RGL2: variants seen among roughly 807,000 people sequenced by gnomAD.
RGL2 encodes ral guanine nucleotide dissociation stimulator like 2, also known as ral guanine nucleotide dissociation stimulator-like 2.
Under a neutral mutation model 84.6 loss-of-function variants are expected in RGL2, and 40 were observed. That is an observed-to-expected ratio of 0.47 (90% confidence interval 0.37 to 0.62). RGL2 has a LOEUF of 0.62. RGL2 is among the 20% of genes least tolerant of loss of function. RGL2 has a pLI of 0.00. For missense variants in RGL2, 865 were observed against 1,019.7 expected (o/e 0.85, Z 2.07); for synonymous variants, 369 against 417.3 (o/e 0.88, Z 1.41).
upstream of RGL2, chr6:33,300,789 C>A (rs1768508965): frequency 6.6e-6 from 1 of 152,076 alleles, no homozygotes; most frequent in Non-Finnish European, 1.5e-5. Flanking sequence ...CACGGTGAAA[C>A]CCCGTCTCTA....
In RGL2 at chr6:33,297,421, C is replaced by A; in HGVS notation, c.157-306G>T. The A allele has an allele frequency of 2.7e-6, 1 of 371,600 alleles. No individual in the cohort carries two copies. Among genetic ancestry groups the A allele is most frequent in the Non-Finnish European group, 4.9e-6 (1 of 204,868 alleles). 23.0% of individuals were successfully genotyped at this position (371,600 alleles called of 1,614,324 possible). On this transcript the variant is annotated intron_variant, in intron 2 of 17. Coordinates refer to ENST00000497454, the MANE Select transcript of RGL2 (RefSeq NM_004761.5). This position sits in a 1 kb window ranked among gnomAD's most constrained non-coding sequence, Gnocchi z 4.0. ...AAGCCCCTTCTCCCCAGAGCTGAAC[C>A]CACACACGACAGAGAAGCAGGGTAC... is the stretch of plus-strand genomic sequence containing the variant.
At position 33,294,043 on chromosome 6, in the gene RGL2, C is replaced by T. The variant is rs762172464; in HGVS notation, c.1377G>A (p.Lys459=). The T allele has an allele frequency of 1.9e-6, 3 of 1,613,438 alleles. No individual in the cohort carries two copies. The highest frequency in any genetic ancestry group is 2.5e-6 in the Non-Finnish European group (3 of 1,179,626). Residue 459 remains lysine (K), a synonymous_variant, in exon 12 of 18, where the codon AAG becomes AAA. Coordinates refer to ENST00000497454, the MANE Select transcript of RGL2 (RefSeq NM_004761.5). This position sits in a 1 kb window ranked among gnomAD's most constrained non-coding sequence, Gnocchi z 5.0. Reference sequence around the variant, plus strand: ...CAGACACTCCGCTCACCTTCCTCCGCTTGTCAAAATTGATGTATCCATTCT... The same window carrying T: ...CAGACACTCCGCTCACCTTCCTCCGTTTGTCAAAATTGATGTATCCATTCT... ...ELENGYINFD[K]RRKEFAVLSE... is the part of the protein sequence containing the mutation.
At chr6:33,301,402 C>T (rs535452715), upstream of RGL2, 24 of 238,404 alleles carry the variant, frequency 1.0e-4, no homozygotes, top group African/African-American at 4.3e-4. Context: ...GGTGAAACCC[C>T]GTCTCTACTA....
In RGL2 at chr6:33,293,388, G is replaced by C; in HGVS notation, c.1716+25C>G. The C allele has an allele frequency of 6.2e-7, 1 of 1,606,790 alleles. No homozygotes were observed. ...TTTACAGAGTGAGGGTCAGCGTCAAGGTCAGAGTCAGGAGCAGAGCTCACC... is the reference window on the plus strand; with the variant it reads ...TTTACAGAGTGAGGGTCAGCGTCAACGTCAGAGTCAGGAGCAGAGCTCACC... On this transcript the variant is annotated intron_variant, in intron 15 of 17. Coordinates refer to ENST00000497454, the MANE Select transcript of RGL2 (RefSeq NM_004761.5). The surrounding 1 kb of genome is among the most constrained non-coding windows in gnomAD (Gnocchi z 7.0).
rs1768094192 is a variant in RGL2, at chr6:33,297,467, G to GAGAGGCAGCAAGCC, written c.157-366_157-353dup. On this transcript the variant is annotated intron_variant, in intron 2 of 17. Coordinates refer to ENST00000497454, the MANE Select transcript of RGL2 (RefSeq NM_004761.5). The surrounding 1 kb of genome is among the most constrained non-coding windows in gnomAD (Gnocchi z 4.0). ...GGTACAAAGGGCAGGAGAGGGAAGC[G>GAGAGGCAGCAAGCC]AGAGGCAGCAAGCCAGAGGCAGCGA... The GAGAGGCAGCAAGCC allele has an allele frequency of 7.2e-6, 2 of 278,278 alleles. No homozygotes were observed. Among genetic ancestry groups the GAGAGGCAGCAAGCC allele is most frequent in the Non-Finnish European group, 1.4e-5 (2 of 147,230 alleles). 17.2% of individuals were successfully genotyped at this position (278,278 alleles called of 1,614,324 possible).
Position 33,296,155 on chromosome 6 carries a change from C to A in RGL2, c.641G>T (p.Arg214Leu). 6.2e-7 allele frequency: 1 copy of A among 1,613,878 alleles called. No homozygotes were observed. Residue 214 changes from arginine (R) to leucine (L), a missense_variant, in exon 6 of 18, where the codon CGG (arginine) becomes CTG (leucine). Arg to Leu is a moderately radical substitution (Grantham distance 102). Coordinates refer to ENST00000497454, the MANE Select transcript of RGL2 (RefSeq NM_004761.5). This position sits in a 1 kb window ranked among gnomAD's most constrained non-coding sequence, Gnocchi z 5.0. ...AAGGTCGGGGGCCTGGGGGTCCACC[C>A]GGGACCGGAGATTGCGGATGAGGTC... ...SADLIRNLRS[R>L]VDPQAPDLPK...
At chr6:33,299,593 TGTC>T (rs1768384569), upstream of RGL2, 1 of 151,952 alleles carries the variant, frequency 6.6e-6, no homozygotes, top group Non-Finnish European at 1.5e-5. This position sits in a 1 kb window ranked among gnomAD's most constrained non-coding sequence, Gnocchi z 5.0. Context: ...CCCCGAACGG[TGTC>T]GACGGGGCGT....
chr6:33,295,674 G>A lies in RGL2; in HGVS notation c.854C>T (p.Pro285Leu). The A allele has an allele frequency of 4.3e-6, 7 of 1,613,864 alleles. No homozygotes were observed. Among genetic ancestry groups the A allele is most frequent in the Non-Finnish European group, 5.9e-6 (7 of 1,180,034 alleles). The change falls in exon 7 of 18, where the codon CCA becomes CTA. Residue 285 changes from proline (P) to leucine (L), a missense_variant. By Grantham distance (98) the Pro-to-Leu change is moderately conservative. This residue lies in a region of RGL2 where 455 missense variants were observed against 507.8 expected (regional missense o/e 0.90). Transcript: ENST00000497454. This position sits in a 1 kb window ranked among gnomAD's most constrained non-coding sequence, Gnocchi z 7.2. ...CTGTGTGACAGTAGCTCGGACAGAT[G>A]GGCAGAGGTGAGAATGTCCTGGCCG... The part of the protein sequence containing the change: ...RDRPGHSHLC[P>L]SVRATVTQFN...
Position 33,295,572 on chromosome 6 carries a change from G to A in RGL2, c.956C>T (p.Thr319Ile), listed in dbSNP as rs1767867896. 1.9e-6 allele frequency: 3 copies of A among 1,613,932 alleles called. No individual in the cohort carries two copies. The highest frequency in any genetic ancestry group is 2.5e-6 in the Non-Finnish European group (3 of 1,180,030). ...TSTGEGPGEV[T>I]IRPLRPPQRA... is the part of the protein sequence containing the mutation. ...CTGTGGGGGACGGAGTGGCCGTATGGTCACCTCCCCAGGTCCCTCTCCAGT... is the reference window on the plus strand; with the variant it reads ...CTGTGGGGGACGGAGTGGCCGTATGATCACCTCCCCAGGTCCCTCTCCAGT... Residue 319 changes from threonine (T) to isoleucine (I), a missense_variant, in exon 7 of 18, where the codon ACC (threonine) becomes ATC (isoleucine). This residue lies in a region of RGL2 where 455 missense variants were observed against 507.8 expected (regional missense o/e 0.90). Coordinates refer to ENST00000497454, the MANE Select transcript of RGL2 (RefSeq NM_004761.5). The surrounding 1 kb of genome is among the most constrained non-coding windows in gnomAD (Gnocchi z 7.2).
At position 33,293,750 on chromosome 6, in the gene RGL2, A is replaced by C. The variant is rs1446989253; in HGVS notation, c.1508+45T>G. 6.2e-7 allele frequency: 1 copy of C among 1,612,980 alleles called. No homozygotes were observed. Among genetic ancestry groups the C allele is most frequent in the Non-Finnish European group, 8.5e-7 (1 of 1,179,362 alleles). On this transcript the variant is annotated intron_variant, in intron 13 of 17. Coordinates refer to ENST00000497454, the MANE Select transcript of RGL2 (RefSeq NM_004761.5). The surrounding 1 kb of genome is among the most constrained non-coding windows in gnomAD (Gnocchi z 7.0). The stretch of plus-strand genomic sequence containing the variant: ...GCTCAGGACATGACACCAATCCCCC[A>C]CACCTGGCCAGAACCCTGGAGTCCC...
rs1019221287 is a variant in RGL2 at position 33,291,788 on chromosome 6, G to A, written c.*314C>T. 7.4e-6 allele frequency: 4 copies of A among 537,030 alleles called. No individual in the cohort carries two copies. The highest frequency in any genetic ancestry group is 3.6e-5 in the Admixed American group (1 of 28,072). 33.3% of individuals were successfully genotyped at this position (537,030 alleles called of 1,614,324 possible). A position where few individuals can be genotyped will look rare whatever the true frequency, so the allele number is the denominator to read the frequency against. On this transcript the variant is annotated 3_prime_UTR_variant, in exon 18 of 18. Coordinates refer to ENST00000497454, the MANE Select transcript of RGL2 (RefSeq NM_004761.5). ...CTGCCCTGGGGCTCAGAGCCTTGAA[G>A]CCTTTGCTTGGCCCTTGCATGTTAG...
In RGL2 at chr6:33,295,431, G is replaced by A. The variant is rs747617488; in HGVS notation, c.1021-9C>T. ...CGGAGCAGCCGGCACTCCTGTGGGG[G>A]TCAAAGAAGAGAGCTAAGGCTATGG... On this transcript the variant is annotated splice_polypyrimidine_tract_variant and intron_variant, in intron 7 of 17. Transcript: ENST00000497454. This position sits in a 1 kb window ranked among gnomAD's most constrained non-coding sequence, Gnocchi z 7.2. The A allele has an allele frequency of 1.2e-6, 2 of 1,612,970 alleles. No individual in the cohort carries two copies. The highest frequency in any genetic ancestry group is 1.7e-5 in the Admixed American group (1 of 60,008).
In RGL2 at chr6:33,298,565, CG is replaced by C; in HGVS notation, c.45del (p.Gly17GlufsTer4). On this transcript the variant is annotated frameshift_variant, in exon 2 of 18. Transcript: ENST00000497454. LOFTEE classifies it high-confidence loss of function. This position sits in a 1 kb window ranked among gnomAD's most constrained non-coding sequence, Gnocchi z 4.8. Reference sequence around the variant, plus strand: ...CGGAAGCTGCTCAGTACGACTCCCCCGGGGGGGCTCGTGTCCAAAAGCAGCC... The same window carrying C: ...CGGAAGCTGCTCAGTACGACTCCCCCGGGGGGCTCGTGTCCAAAAGCAGCC... ...PLRLLLDTSP[P>X]GGVVLSSFRS... 9 of 1,468,494 alleles carry C rather than the reference CG, an allele frequency of 6.1e-6. No homozygotes were observed. Among genetic ancestry groups the C allele is most frequent in the Admixed American group, 2.8e-5 (1 of 35,474 alleles). 91.0% of individuals were successfully genotyped at this position (1,468,494 alleles called of 1,614,324 possible).
upstream of RGL2, chr6:33,299,455 C>T (rs915357642): frequency 6.6e-6 from 1 of 152,150 alleles, no homozygotes; most frequent in Admixed American, 6.5e-5. This position sits in a 1 kb window ranked among gnomAD's most constrained non-coding sequence, Gnocchi z 5.0. Context: ...GAAGCAGCCA[C>T]ATCCGGTTCC....
chr6:33,292,328 G>T lies in RGL2; in HGVS notation c.2123-15C>A, dbSNP rs749125691. On this transcript the variant is annotated splice_polypyrimidine_tract_variant and intron_variant, in intron 17 of 17. Transcript: ENST00000497454. ...GATAGTCAGCTCTGAAGGTTCAGGG[G>T]ATGGATGTAAAGCACACACACAGTT... is the stretch of plus-strand genomic sequence containing the variant. 3 of 1,612,204 alleles carry T rather than the reference G, an allele frequency of 1.9e-6. No individual in the cohort carries two copies. In the East Asian group the frequency reaches 6.7e-5, roughly 36 times the overall value.
rs1306532746 is a variant in RGL2, at chr6:33,295,220, G to A, written c.1125-9C>T. On this transcript the variant is annotated splice_polypyrimidine_tract_variant and intron_variant, in intron 8 of 17. Coordinates refer to ENST00000497454, the MANE Select transcript of RGL2 (RefSeq NM_004761.5). The surrounding 1 kb of genome is among the most constrained non-coding windows in gnomAD (Gnocchi z 7.2). ...AGACTCTGAGGCTGTCCCTGGGGAAGGGAGAAAAGTGGCCCTGAGGACAGG... is the reference window on the plus strand; with the variant it reads ...AGACTCTGAGGCTGTCCCTGGGGAAAGGAGAAAAGTGGCCCTGAGGACAGG... 1.3e-6 allele frequency: 2 copies of A among 1,596,088 alleles called. No homozygotes were observed. Among genetic ancestry groups the A allele is most frequent in the Non-Finnish European group, 1.7e-6 (2 of 1,170,570 alleles).
chr6:33,295,883 C>A lies in RGL2; in HGVS notation c.769-124G>T. 6.9e-7 allele frequency: 1 copy of A among 1,446,148 alleles called. No homozygotes were observed. Among genetic ancestry groups the A allele is most frequent in the Non-Finnish European group, 9.5e-7 (1 of 1,051,980 alleles). 89.6% of individuals were successfully genotyped at this position (1,446,148 alleles called of 1,614,324 possible). ...GGCACAGGGTTTGAAGGGTAACGACCAAAGGGAAAAGGGGAGAATCAAAAT... is the reference window on the plus strand; with the variant it reads ...GGCACAGGGTTTGAAGGGTAACGACAAAAGGGAAAAGGGGAGAATCAAAAT... On this transcript the variant is annotated intron_variant, in intron 6 of 17. Transcript: ENST00000497454. This position sits in a 1 kb window ranked among gnomAD's most constrained non-coding sequence, Gnocchi z 7.2.
In RGL2 at chr6:33,294,007, A is replaced by G. The variant is rs2150932297; in HGVS notation, c.1386+27T>C. On this transcript the variant is annotated intron_variant, in intron 12 of 17. Transcript: ENST00000497454. The surrounding 1 kb of genome is among the most constrained non-coding windows in gnomAD (Gnocchi z 5.0). ...TCCTGGAACATGGATAGGGAAGTCCAGCATCCAGCCCAGACACTCCGCTCA... is the reference window on the plus strand; with the variant it reads ...TCCTGGAACATGGATAGGGAAGTCCGGCATCCAGCCCAGACACTCCGCTCA... The G allele has an allele frequency of 6.2e-7, 1 of 1,613,986 alleles. No homozygotes were observed. The highest frequency in any genetic ancestry group is 8.5e-7 in the Non-Finnish European group (1 of 1,180,006).
upstream of RGL2, chr6:33,301,606 T>C (rs559464770): frequency 2.7e-4 from 180 of 668,032 alleles, no homozygotes; most frequent in African/African-American, 5.0e-4. Flanking sequence ...TTATCCCTTA[T>C]ATAAGTGAAA....
Sources: allele counts gnomAD v4.1 joint callset, GRCh38; gene constraint gnomAD v4.1.1; regional missense constraint gnomAD v4.1.1; non-coding constraint Gnocchi (gnomAD v3.1); transcripts MANE v1.5; gene names NCBI Gene and HGNC (gene_info 2026-07-23, HGNC 2026-07-21).